NOL4: variants seen among roughly 807,000 people sequenced by gnomAD.
NOL4 encodes the protein cancer/testis antigen 125.
Under a neutral mutation model 75.9 loss-of-function variants are expected in NOL4, and 17 were observed. That is an observed-to-expected ratio of 0.22 (90% CI 0.15 to 0.34). The LOEUF is 0.34. NOL4 is among the 10% of genes least tolerant of loss of function. The pLI, the probability that NOL4 is intolerant of heterozygous loss-of-function variation, is 1.00. For missense variants in NOL4, 614 were observed against 793.5 expected, an observed-to-expected ratio of 0.77 and a Z score of 2.72; for synonymous variants, 292 against 289.9, an observed-to-expected ratio of 1.01 and a Z score of -0.07.
intron 9 of NOL4, among the ~76,000 whole-genome samples, chr18:33,887,762 T>C (rs1342931136): frequency 6.6e-6 from 1 of 152,206 alleles, no homozygotes; most frequent in Non-Finnish European, 1.5e-5. Flanking sequence ...TCATTTTTTA[T>C]GGCTGCATAG....
chr18:34,049,275 T>C (rs566722651), intron 5 of NOL4, among the ~76,000 whole-genome samples: 29 of 151,806 alleles, frequency 1.9e-4, no homozygotes, highest in African/African-American at 6.8e-4. Context: ...GAAAAATAAT[T>C]ATAACCGGAA....
chr18:33,883,397 A>C lies in NOL4; in HGVS notation c.1570T>G (p.Cys524Gly). The change falls in exon 10 of 11, where the codon TGT becomes GGT. Residue 524 changes from cysteine (C) to glycine (G), a missense_variant. Coordinates refer to ENST00000261592, the MANE Select transcript of NOL4 (RefSeq NM_003787.5). Reference sequence around the variant, plus strand: ...GTGGCCTGGGTCGCCTCTGGTTTACACTGTTTGTCAGCTGGAGCAGACTCA... The same window carrying C: ...GTGGCCTGGGTCGCCTCTGGTTTACCCTGTTTGTCAGCTGGAGCAGACTCA... ...QDESAPADKQCKPEATQATYS... is the reference protein window; with the variant it reads ...QDESAPADKQGKPEATQATYS... The C allele has an allele frequency of 6.2e-7, 1 of 1,610,274 alleles. No homozygotes were observed. Among genetic ancestry groups the C allele is most frequent in the Non-Finnish European group, 8.5e-7 (1 of 1,178,658 alleles).
Position 33,964,259 on chromosome 18 carries a change from A to G in NOL4, c.1057-5841T>C, listed in dbSNP as rs573375724. Reference sequence around the variant, plus strand: ...TTTTGAGTTACACTGAAGATGATTTAATTTTTTAAATTGCAATTTTAAAAA... The same window carrying G: ...TTTTGAGTTACACTGAAGATGATTTGATTTTTTAAATTGCAATTTTAAAAA... On this transcript the variant is annotated intron_variant, in intron 6 of 10. Transcript: ENST00000261592. Among the ~76,000 whole-genome samples, 3 of 152,250 alleles carry G rather than the reference A, an allele frequency of 2.0e-5. No homozygotes were observed. In the South Asian group the frequency reaches 6.2e-4, roughly 32 times the overall value.
intron 8 of NOL4, among the ~76,000 whole-genome samples, chr18:33,951,732 C>A (rs758196786): frequency 6.6e-6 from 1 of 151,986 alleles, no homozygotes; most frequent in Non-Finnish European, 1.5e-5. Context: ...TCTACTTAAC[C>A]CATTTAGTAA....
intron 1 of NOL4, among the ~76,000 whole-genome samples, chr18:34,220,828 T>C (rs2037247225): frequency 6.6e-6 from 1 of 152,180 alleles, no homozygotes; most frequent in Admixed American, 6.5e-5. Flanking sequence ...AATTATATTC[T>C]CTCCCATAAA....
intron 10 of NOL4, among the ~76,000 whole-genome samples, chr18:33,869,581 T>C (rs1490460666): frequency 6.6e-6 from 1 of 151,974 alleles, no homozygotes; most frequent in East Asian, 1.9e-4. Flanking sequence ...AAACCAAAGG[T>C]CAGCAAGCAT....
At chr18:33,990,704 T>C (rs1312107241) in intron 6 of NOL4, among the ~76,000 whole-genome samples, 1 of 151,898 alleles carries the variant, frequency 6.6e-6, no homozygotes, top group East Asian at 1.9e-4. Context: ...CATTTACCTA[T>C]TGTCCACTTC....
chr18:34,053,177 T>A (rs944972908), intron 5 of NOL4, among the ~76,000 whole-genome samples: 1 of 151,994 alleles, frequency 6.6e-6, no homozygotes, highest in African/African-American at 2.4e-5. Context: ...AGCAATGATG[T>A]AAGTAGTCAA....
intron 5 of NOL4, among the ~76,000 whole-genome samples, chr18:34,065,733 T>C (rs1307390664): frequency 6.6e-6 from 1 of 151,994 alleles, no homozygotes; most frequent in African/African-American, 2.4e-5. Flanking sequence ...GTACATAGTA[T>C]AATAACTTTT....
chr18:33,985,910 T>G (rs2146041827), intron 6 of NOL4, among the ~76,000 whole-genome samples: 1 of 152,264 alleles, frequency 6.6e-6, no homozygotes, highest in South Asian at 2.1e-4. Context: ...TATCACCTAC[T>G]TACATTTTAC....
At position 33,853,002 on chromosome 18, in the gene NOL4, G is replaced by T. The variant is rs140091305; in HGVS notation, c.1757C>A (p.Ala586Glu). The T allele has an allele frequency of 6.2e-7, 1 of 1,612,328 alleles. No individual in the cohort carries two copies. The change falls in exon 11 of 11, where the codon GCG becomes GAG. Residue 586 changes from alanine to glutamate, a missense_variant. This residue lies in a region of NOL4 where 128 missense variants were observed against 159.9 expected (regional missense o/e 0.80). Transcript: ENST00000261592. ...PTDLSMKRQL[A>E]TSSGSSSSSN... is the part of the protein sequence containing the mutation. ...GCTGCTGGAGGATCCTGAGCTAGTC[G>T]CCAATTGTCTCTTCATGCTGAGATC...
chr18:34,218,127 T>A (rs954568072), intron 1 of NOL4, among the ~76,000 whole-genome samples: 15 of 147,250 alleles, frequency 1.0e-4, no homozygotes, highest in Non-Finnish European at 1.0e-4. Flanking sequence ...AAACAAAGAG[T>A]GAAAGTCTTA....
rs558767587 is a variant in NOL4, at chr18:33,986,711, G to A, written c.1057-28293C>T. ...ATATAGCCACTTTGACAATCAGTTGGGCATTTTTAAAAAATGTAACATATG... is the reference window on the plus strand; with the variant it reads ...ATATAGCCACTTTGACAATCAGTTGAGCATTTTTAAAAAATGTAACATATG... On this transcript the variant is annotated intron_variant, in intron 6 of 10. Coordinates refer to ENST00000261592, the MANE Select transcript of NOL4 (RefSeq NM_003787.5). 4.0e-5 allele frequency among the ~76,000 whole-genome samples: 6 copies of A among 151,876 alleles called. No homozygotes were observed. The South Asian group carries it at 1.2e-3, about 32-fold the overall frequency.
chr18:33,872,041 ATC>A (rs139325900), intron 10 of NOL4, among the ~76,000 whole-genome samples: 3,081 of 152,176 alleles, frequency 0.02, 48 homozygotes, highest in Middle Eastern at 0.051. Flanking sequence ...AATAAGAATC[ATC>A]TCTCTGAATC....
intron 10 of NOL4, among the ~76,000 whole-genome samples, chr18:33,880,089 T>C (rs1470135493): frequency 2.6e-5 from 4 of 152,122 alleles, no homozygotes; most frequent in African/African-American, 9.7e-5. Context: ...TGACTGAGGT[T>C]GAACAACTTT....
At chr18:34,172,253 T>C (rs2033116074) in intron 1 of NOL4, among the ~76,000 whole-genome samples, 1 of 152,158 alleles carries the variant, frequency 6.6e-6, no homozygotes. Flanking sequence ...CATCAAAGTA[T>C]TTATTGAAAT....
chr18:33,971,395 G>T (rs1182202124), intron 6 of NOL4, among the ~76,000 whole-genome samples: 1 of 152,126 alleles, frequency 6.6e-6, no homozygotes, highest in Admixed American at 6.5e-5. Flanking sequence ...TGAGAATTTT[G>T]CAGTTGGATC....
chr18:33,999,584 C>T (rs1396014247), intron 6 of NOL4, among the ~76,000 whole-genome samples: 2 of 151,862 alleles, frequency 1.3e-5, no homozygotes, highest in Non-Finnish European at 2.9e-5. Flanking sequence ...GAAGATGATG[C>T]TGATAATTTT....
intron 5 of NOL4, among the ~76,000 whole-genome samples, chr18:34,081,573 T>C (rs988099048): frequency 2.6e-5 from 4 of 152,150 alleles, no homozygotes; most frequent in Non-Finnish European, 5.9e-5. Context: ...CAAGGCTGAA[T>C]AGTTATAAAA....
Sources: gnomAD v4.1 joint callset for allele counts (sites outside exome capture counted in the v4.1 genomes callset) on GRCh38, gnomAD v4.1.1 for gene constraint, gnomAD v4.1.1 regional missense constraint, MANE v1.5 for transcripts, NCBI Gene and HGNC (gene_info 2026-07-23, HGNC 2026-07-21) for gene names.